The following RORB variants were observed in gnomAD, a reference collection of about 807,000 sequenced individuals.
The protein encoded by RORB is RAR related orphan receptor B.
RORB carries 6 observed loss-of-function variants against 59.1 expected under a neutral mutation model. The observed-to-expected ratio is 0.10, with a 90% confidence interval of 0.06 to 0.20. RORB has a LOEUF of 0.20. Among genes scored for constraint, RORB ranks in the 10% least tolerant of loss-of-function variants. The probability of loss-of-function intolerance (pLI) is 1.00; values close to 1 mark genes in which losing one functional copy is unlikely to be tolerated. For synonymous variants in RORB, 215 were observed against 204.5 expected, an observed-to-expected ratio of 1.05 and a Z score of -0.44; for missense variants, 320 against 560.5, an observed-to-expected ratio of 0.57 and a Z score of 4.33.
chr9:74,507,260 T>C (rs1480020213), intron 1 of RORB, among the ~76,000 whole-genome samples: 3 of 152,120 alleles, frequency 2.0e-5, no homozygotes, highest in African/African-American at 4.8e-5. Flanking sequence ...CTAGCTTTTA[T>C]GTAAATATGC....
At chr9:74,566,213 A>G (rs1460361885) in intron 1 of RORB, among the ~76,000 whole-genome samples, 2 of 152,038 alleles carry the variant, frequency 1.3e-5, no homozygotes, top group African/African-American at 2.4e-5. Context: ...GCTCTCCATT[A>G]TTGCCTTTCA....
intron 1 of RORB, chr9:74,615,554 G>A: frequency 2.2e-6 from 1 of 449,530 alleles, no homozygotes; most frequent in Non-Finnish European, 4.5e-6. Context: ...CCTCCCCAGT[G>A]AAAAGTATCA....
chr9:74,547,251 G>A (rs1826512982), intron 1 of RORB, among the ~76,000 whole-genome samples: 1 of 152,146 alleles, frequency 6.6e-6, no homozygotes, highest in South Asian at 2.1e-4. Context: ...GAAGAGATGG[G>A]ATCTGAGGTG....
At chr9:74,572,582 G>C (rs1167803355) in intron 1 of RORB, among the ~76,000 whole-genome samples, 1 of 152,072 alleles carries the variant, frequency 6.6e-6, no homozygotes, top group African/African-American at 2.4e-5. Context: ...AGGGAAAAAG[G>C]GTGCTCTTGA....
intron 3 of RORB, among the ~76,000 whole-genome samples, chr9:74,635,001 G>T (rs1025090321): frequency 7.2e-5 from 11 of 152,196 alleles, no homozygotes; most frequent in African/African-American, 2.7e-4. Context: ...AGCAACTTGT[G>T]CTAACTAGGT....
At chr9:74,622,987 C>G (rs1823449432) in intron 1 of RORB, among the ~76,000 whole-genome samples, 1 of 152,146 alleles carries the variant, frequency 6.6e-6, no homozygotes, top group Non-Finnish European at 1.5e-5. Context: ...CCATCATGAC[C>G]ATTGAACTCC....
At chr9:74,675,352 AT>A (rs1453248697) in intron 9 of RORB, among the ~76,000 whole-genome samples, 1 of 151,082 alleles carries the variant, frequency 6.6e-6, no homozygotes, top group Non-Finnish European at 1.5e-5. Flanking sequence ...ATACATATAT[AT>A]TTTTAAGCCC....
intron 3 of RORB, among the ~76,000 whole-genome samples, chr9:74,639,629 G>A (rs919394869): frequency 1.3e-5 from 2 of 151,696 alleles, no homozygotes; most frequent in Non-Finnish European, 1.5e-5. Context: ...AAAATAAGTC[G>A]GAAAGTAGAT....
chr9:74,682,778 G>T (rs1369409604), intron 9 of RORB, among the ~76,000 whole-genome samples: 1 of 152,174 alleles, frequency 6.6e-6, no homozygotes, highest in Non-Finnish European at 1.5e-5. Flanking sequence ...TTTCTTAAGA[G>T]ACAAAGTCTT....
intron 9 of RORB, among the ~76,000 whole-genome samples, chr9:74,674,800 C>A (rs1824409506): frequency 1.3e-5 from 2 of 152,278 alleles, no homozygotes; most frequent in African/African-American, 4.8e-5. Context: ...TTCTCCTTAT[C>A]AGCATAATTA....
chr9:74,658,217 A>G (rs1220282284), intron 4 of RORB, among the ~76,000 whole-genome samples: 1 of 152,130 alleles, frequency 6.6e-6, no homozygotes, highest in East Asian at 1.9e-4. Context: ...TAACCACAGT[A>G]TGAGTCTCAC....
chr9:74,512,730 G>A (rs889085154), intron 1 of RORB, among the ~76,000 whole-genome samples: 23 of 152,108 alleles, frequency 1.5e-4, no homozygotes, highest in African/African-American at 5.1e-4. Context: ...AAGGTTTTCC[G>A]AATAGAATCA....
At chr9:74,583,816 C>T (rs1318825870) in intron 1 of RORB, among the ~76,000 whole-genome samples, 1 of 152,212 alleles carries the variant, frequency 6.6e-6, no homozygotes, top group Non-Finnish European at 1.5e-5. Flanking sequence ...CAAATATGCT[C>T]AGTGTTAGTT....
At chr9:74,545,003 C>T (rs371808757) in intron 1 of RORB, among the ~76,000 whole-genome samples, 14 of 152,064 alleles carry the variant, frequency 9.2e-5, no homozygotes, top group East Asian at 1.9e-4. Flanking sequence ...GATATTGCAG[C>T]GCTTGAATAT....
chr9:74,683,479 C>A lies in RORB; in HGVS notation c.1225-1984C>A, dbSNP rs143188548. ...CTTAAAACCCTCTCAGAGAACATAA[C>A]GTGAACTATGAGGGCTTACATAATC... On this transcript the variant is annotated intron_variant, in intron 9 of 9. Coordinates refer to ENST00000376896, the MANE Select transcript of RORB (RefSeq NM_006914.4). Among the ~76,000 whole-genome samples, 27 of 152,264 alleles carry A rather than the reference C, an allele frequency of 1.8e-4. No homozygotes were observed. The East Asian group carries it at 5.2e-3, about 29-fold the overall frequency.
chr9:74,658,915 A>G lies in RORB; in HGVS notation c.638-1702A>G, dbSNP rs114975034. 9.4e-3 allele frequency among the ~76,000 whole-genome samples: 1,426 copies of G among 152,336 alleles called. 24 individuals carry two copies. Among genetic ancestry groups the G allele is most frequent in the African/African-American group, 0.033 (1,360 of 41,560 alleles). Reference sequence around the variant, plus strand: ...CTAGAAATGCTCAGTGCTGAATCCAATAGAGTAGAGCTATCATCAGAAGTT... The same window carrying G: ...CTAGAAATGCTCAGTGCTGAATCCAGTAGAGTAGAGCTATCATCAGAAGTT... On this transcript the variant is annotated intron_variant, in intron 4 of 9. Coordinates refer to ENST00000376896, the MANE Select transcript of RORB (RefSeq NM_006914.4).
intron 4 of RORB, among the ~76,000 whole-genome samples, chr9:74,658,175 T>TA (rs1426781480): frequency 1.3e-5 from 2 of 152,046 alleles, no homozygotes; most frequent in Non-Finnish European, 2.9e-5. Flanking sequence ...CTCATAATCT[T>TA]AAAGGGTGTG....
intron 1 of RORB, among the ~76,000 whole-genome samples, chr9:74,577,172 CT>C (rs1026510689): frequency 1.2e-4 from 19 of 152,158 alleles, no homozygotes; most frequent in South Asian, 4.1e-4. Flanking sequence ...TTGAATTTTG[CT>C]GGGTTTTTTT....
intron 1 of RORB, among the ~76,000 whole-genome samples, chr9:74,547,180 A>G (rs1393979631): frequency 1.3e-5 from 2 of 152,152 alleles, no homozygotes; most frequent in Non-Finnish European, 2.9e-5. Flanking sequence ...GAGAGAATTA[A>G]AACTATAAGA....
Sources: gnomAD v4.1 joint callset for allele counts (sites outside exome capture counted in the v4.1 genomes callset) on GRCh38, gnomAD v4.1.1 for gene constraint, MANE v1.5 for transcripts, NCBI Gene and HGNC (gene_info 2026-07-23, HGNC 2026-07-21) for gene names.